Variants in TASOR2 observed in about 807,000 individuals in gnomAD.
TASOR2 encodes the protein protein TASOR 2.
Under a neutral mutation model 199.5 loss-of-function variants are expected in TASOR2, and 84 were observed. That is an observed-to-expected ratio of 0.42 (90% CI 0.35 to 0.50). The LOEUF (loss-of-function observed/expected upper bound fraction) is 0.50, where lower values mean the gene tolerates loss of function less well. Among genes scored for constraint, TASOR2 ranks in the 20% least tolerant of loss-of-function variants. TASOR2 has a pLI of 0.02. For synonymous variants in TASOR2, 1,103 were observed against 1,046.6 expected (o/e 1.05, Z -1.04); for missense variants, 2,796 against 2,835.9 (o/e 0.99, Z 0.32).
At chr10:5,739,575 T>C (rs1459069871) in intron 12 of TASOR2, 43 bp from the exon 14 acceptor site, 1 of 1,559,614 alleles carries the variant, frequency 6.4e-7, no homozygotes, top group South Asian at 1.2e-5. Flanking sequence ...GTTAATTCTA[T>C]GACAAGCAAA....
At chr10:5,723,067 TTTG>T (rs1339034401) in intron 6 of TASOR2, among the ~76,000 whole-genome samples, 1 of 142,156 alleles carries the variant, frequency 7.0e-6, no homozygotes, top group Non-Finnish European at 1.5e-5. Context: ...TTTTTTTTTT[TTTG>T]AGACGGAGTC....
In TASOR2 at chr10:5,690,712, G is replaced by A. The variant is rs1439195206; in HGVS notation, c.-288+5537G>A. Among the ~76,000 whole-genome samples, 1 of 152,156 alleles carries A rather than the reference G, an allele frequency of 6.6e-6. No homozygotes were observed. The highest frequency in any genetic ancestry group is 1.5e-5 in the Non-Finnish European group (1 of 68,040). ...GTAAGAGGGACAAAACTACTTAACA[G>A]TGTGTATCCTTGCAATAAGTATATT... On this transcript the variant is annotated intron_variant, in intron 1 of 20. Transcript: ENST00000328090. This position sits in a 1 kb window ranked among gnomAD's most constrained non-coding sequence, Gnocchi z 4.8.
In TASOR2 at chr10:5,756,700, A is replaced by G. The variant is rs1451585864; in HGVS notation, c.6694A>G (p.Ile2232Val). The G allele has an allele frequency of 4.3e-6, 7 of 1,613,360 alleles. No homozygotes were observed. In the East Asian group the frequency reaches 1.1e-4, roughly 26 times the overall value. Reference sequence around the variant, plus strand: ...CAGAGAGAATGATACACTAATCATCATCATCAGAAATGAAGATATATCATC... The same window carrying G: ...CAGAGAGAATGATACACTAATCATCGTCATCAGAAATGAAGATATATCATC... Residue 2232 changes from isoleucine to valine, a missense_variant, in exon 16 of 21, where the codon ATC becomes GTC. Around this residue, in one of 3 missense-constraint regions of TASOR2, gnomAD observed 1,941 missense variants for 1,924.9 expected, o/e 1.01. Coordinates refer to ENST00000328090, the Ensembl canonical transcript of TASOR2.
rs1027678806 is a variant in TASOR2 at position 5,701,944 on chromosome 10, T to C, written c.-287-10879T>C. On this transcript the variant is annotated intron_variant, in intron 1 of 20. Transcript: ENST00000328090. The surrounding 1 kb of genome is among the most constrained non-coding windows in gnomAD (Gnocchi z 4.9). ...TTCTTCTTTTCTGATTTGGATGCCC[T>C]CTATTTCTTTCTCTTGCCTAATTGC... Among the ~76,000 whole-genome samples the C allele has an allele frequency of 5.9e-5, 9 of 152,164 alleles. No individual in the cohort carries two copies. Among genetic ancestry groups the C allele is most frequent in the African/African-American group, 2.2e-4 (9 of 41,434 alleles).
intron 19 of TASOR2, among the ~76,000 whole-genome samples, 172 bp from the exon 21 acceptor site, chr10:5,762,360 A>T (rs545945147): frequency 6.6e-6 from 1 of 151,758 alleles, no homozygotes. Flanking sequence ...CGATGGAGGC[A>T]TCTATTTCCA....
chr10:5,735,600 A>G, intron 12 of TASOR2, 54 bp downstream of exon 13: 13 of 1,560,454 alleles, frequency 8.3e-6, no homozygotes, highest in Non-Finnish European at 1.1e-5. Context: ...TCTAACAGAG[A>G]GTGCAAGATA....
chr10:5,747,737 C>T (rs757807209), exon 15 of TASOR2: 2 of 1,614,156 alleles, frequency 1.2e-6, no homozygotes, highest in Admixed American at 1.7e-5. Context: ...AACCAAATCT[C>T]CCAATGTGAG....
intron 1 of TASOR2, among the ~76,000 whole-genome samples, chr10:5,707,314 A>C (rs1339564958): frequency 1.3e-5 from 2 of 152,198 alleles, no homozygotes; most frequent in African/African-American, 4.8e-5. Flanking sequence ...TTAAACAATA[A>C]GGAACATTTA....
rs544522901 is a variant in TASOR2, at chr10:5,751,404, T to C, written c.6606+1377T>C. Among the ~76,000 whole-genome samples the C allele has an allele frequency of 7.0e-4, 106 of 152,358 alleles. 2 individuals carry two copies. Among genetic ancestry groups the C allele is most frequent in the African/African-American group, 2.5e-3 (104 of 41,580 alleles). ...GGCTGTAGAATAGAGCTTTCCCTTA[T>C]TTTCCATTCATCTATTCATTTGCTT... On this transcript the variant is annotated intron_variant, in intron 15 of 20. Transcript: ENST00000328090. The surrounding 1 kb of genome is among the most constrained non-coding windows in gnomAD (Gnocchi z 5.3).
intron 18 of TASOR2, among the ~76,000 whole-genome samples, chr10:5,760,080 G>A (rs1839574676): frequency 6.6e-6 from 1 of 152,192 alleles, no homozygotes; most frequent in Non-Finnish European, 1.5e-5. Flanking sequence ...GTCATAAGAC[G>A]ATTTTGTCTA....
intron 1 of TASOR2, among the ~76,000 whole-genome samples, chr10:5,708,223 T>C (rs535102093): frequency 1.3e-5 from 2 of 151,916 alleles, no homozygotes; most frequent in African/African-American, 4.9e-5. Flanking sequence ...ATCAGTCATA[T>C]TAAACTATTT....
At chr10:5,691,202 A>AG (rs1158934703) in intron 1 of TASOR2, among the ~76,000 whole-genome samples, 2 of 152,008 alleles carry the variant, frequency 1.3e-5, no homozygotes, top group African/African-American at 4.8e-5. Flanking sequence ...AAAAAAAAAA[A>AG]AAGAAAGTTA....
Position 5,754,484 on chromosome 10 carries a change from G to C in TASOR2, c.6607-2129G>C, listed in dbSNP as rs1838557424. Among the ~76,000 whole-genome samples the C allele has an allele frequency of 6.6e-6, 1 of 151,922 alleles. No homozygotes were observed. The highest frequency in any genetic ancestry group is 2.1e-4 in the South Asian group (1 of 4,804). On this transcript the variant is annotated intron_variant, in intron 15 of 20. Coordinates refer to ENST00000328090, the Ensembl canonical transcript of TASOR2. The surrounding 1 kb of genome is among the most constrained non-coding windows in gnomAD (Gnocchi z 4.3). ...AGCTCACTGCAGCCTCCGTCTTCTG[G>C]TTTCAAGTGATTCTCCTGCCTCACC...
chr10:5,712,540 G>T, intron 1 of TASOR2: 1 of 1,231,534 alleles, frequency 8.1e-7, no homozygotes, highest in Non-Finnish European at 1.0e-6. Context: ...CTTAAATGAG[G>T]TGAGGTGCTT....
chr10:5,728,765 G>A (rs958253704), intron 10 of TASOR2, among the ~76,000 whole-genome samples: 2 of 152,234 alleles, frequency 1.3e-5, no homozygotes, highest in African/African-American at 2.4e-5. Flanking sequence ...TATCATGTCA[G>A]GTTTTGTGGT....
At chr10:5,728,220 CAAAA>C (rs71388473) in intron 10 of TASOR2, among the ~76,000 whole-genome samples, 22 of 134,388 alleles carry the variant, frequency 1.6e-4, no homozygotes, top group Non-Finnish European at 2.2e-4. Flanking sequence ...GACCCTGTTT[CAAAA>C]AAAAAAAAAA....
At chr10:5,709,471 G>A in intron 1 of TASOR2, 1 of 1,108,294 alleles carries the variant, frequency 9.0e-7, no homozygotes, top group Non-Finnish European at 1.1e-6. Flanking sequence ...TGTTTCTATA[G>A]TAAATATGCT....
chr10:5,760,179 T>C (rs1839593481), intron 18 of TASOR2, among the ~76,000 whole-genome samples: 1 of 152,320 alleles, frequency 6.6e-6, no homozygotes, highest in South Asian at 2.1e-4. Flanking sequence ...TACTGAATAC[T>C]GTAGGCAGAT....
In TASOR2 at chr10:5,759,000, C is replaced by T. The variant is rs1202120875; in HGVS notation, c.6992+8C>T. ...GCTAAAAGAAGATGAAAGGTAAGGA[C>T]TTGCTGTGTGTATGGTTCCTCCTGC... On this transcript the variant is annotated splice_region_variant and intron_variant, in intron 18 of 20. Transcript: ENST00000328090. 1.3e-6 allele frequency: 2 copies of T among 1,598,296 alleles called. No homozygotes were observed. The highest frequency in any genetic ancestry group is 1.3e-5 in the African/African-American group (1 of 74,602).
Sources: gnomAD v4.1 joint callset for allele counts (sites outside exome capture counted in the v4.1 genomes callset) on GRCh38, gnomAD v4.1.1 for gene constraint, gnomAD v4.1.1 regional missense constraint, Gnocchi (gnomAD v3.1) non-coding constraint, MANE v1.5 for transcripts, NCBI Gene and HGNC (gene_info 2026-07-23, HGNC 2026-07-21) for gene names.